The following NHLH2 variants were observed in gnomAD, a reference collection of about 807,000 sequenced individuals.
NHLH2 encodes the protein nescient helix-loop-helix 2.
A neutral mutation model predicts 7.3 loss-of-function variants in NHLH2; 7 were observed. The ratio of observed to expected loss-of-function variants is 0.96; its 90% CI spans 0.55 to 1.81. NHLH2 has a LOEUF of 1.81. NHLH2 is among the 40% of genes most tolerant of loss of function. The pLI is 0.00. For synonymous variants in NHLH2, 93 were observed against 91.6 expected (o/e 1.01, Z -0.09); for missense variants, 155 against 194.0 (o/e 0.80, Z 1.19).
In NHLH2 at chr1:115,838,394, G is replaced by A. The variant is rs1650947372; in HGVS notation, c.-8-14C>T. ...TCATTTTGGAGGCTGAGGAGGGGTCGGAAAATTAATCAGTAAAAGGAATCA... is the reference window on the plus strand; with the variant it reads ...TCATTTTGGAGGCTGAGGAGGGGTCAGAAAATTAATCAGTAAAAGGAATCA... On this transcript the variant is annotated splice_polypyrimidine_tract_variant and intron_variant, in intron 2 of 2. Coordinates refer to ENST00000320238, the MANE Select transcript of NHLH2 (RefSeq NM_005599.3). 1 of 1,607,100 alleles carries A rather than the reference G, an allele frequency of 6.2e-7. No homozygotes were observed. The highest frequency in any genetic ancestry group is 8.5e-7 in the Non-Finnish European group (1 of 1,178,370).
At chr1:115,839,909 T>C (rs1393972332) in intron 2 of NHLH2, 1 of 167,084 alleles carries the variant, frequency 6.0e-6, no homozygotes, top group African/African-American at 2.4e-5. Context: ...TGTGACTCCC[T>C]ACGGGCTTTT....
At chr1:115,835,983 T>G (rs1650860942), downstream of NHLH2, among the ~76,000 whole-genome samples, 1 of 152,198 alleles carries the variant, frequency 6.6e-6, no homozygotes, top group African/African-American at 2.4e-5. Context: ...GGGATCTTCT[T>G]CTCACTGCCA....
the NHLH2 span, among the ~76,000 whole-genome samples, chr1:115,831,347 G>A: frequency 1.3e-5 from 2 of 152,138 alleles, no homozygotes; most frequent in Non-Finnish European, 2.9e-5. Flanking sequence ...ACACCAATAA[G>A]TACATTTCAT....
chr1:115,834,316 G>C (rs145008159), downstream of NHLH2, among the ~76,000 whole-genome samples: 27 of 152,296 alleles, frequency 1.8e-4, no homozygotes, highest in African/African-American at 5.8e-4. Flanking sequence ...AGGCTTTCTG[G>C]GGAGCAGCAA....
rs920396691 is a variant in NHLH2 at position 115,837,255 on chromosome 1, A to T, written c.*710T>A. The T allele has an allele frequency of 6.6e-6, 1 of 152,670 alleles. No homozygotes were observed. The highest frequency in any genetic ancestry group is 2.4e-5 in the African/African-American group (1 of 41,472). 9.5% of individuals were successfully genotyped at this position (152,670 alleles called of 1,614,324 possible). On this transcript the variant is annotated 3_prime_UTR_variant, in exon 3 of 3. Transcript: ENST00000320238. ...ACTTCGCCTGCAAAAGTAATCAGAT[A>T]TTAAAGTTTCCATTTAAATATGGAT... is the stretch of plus-strand genomic sequence containing the variant.
Position 115,837,708 on chromosome 1 carries a change from G to C in NHLH2, c.*257C>G. 1 of 485,874 alleles carries C rather than the reference G, an allele frequency of 2.1e-6. No homozygotes were observed. The allele number at this position is 485,874 out of a possible 1,614,324, so 30.1% of individuals were successfully genotyped here. A position where few individuals can be genotyped will look rare whatever the true frequency, so the allele number is the denominator to read the frequency against. On this transcript the variant is annotated 3_prime_UTR_variant, in exon 3 of 3. Transcript: ENST00000320238. Reference sequence around the variant, plus strand: ...AGTGGCTCATCTCGGGTGTCTCCACGAGGTTCTCCTGGCCTGGAAAATCCC... The same window carrying C: ...AGTGGCTCATCTCGGGTGTCTCCACCAGGTTCTCCTGGCCTGGAAAATCCC...
rs752567030 is a variant in NHLH2 at position 115,838,325 on chromosome 1, C to G, written c.48G>C (p.Ser16=). ...DQAADSDHPS[S]AHSDPESLGG... is the part of the protein sequence containing the mutation. ...CCAGGGACTCCGGATCCGAGTGCGC[C>G]GAGCTGGGATGGTCCGAATCTGCTG... The change falls in exon 3 of 3, where the codon TCG becomes TCC. Residue 16 remains serine, a synonymous_variant. Coordinates refer to ENST00000320238, the MANE Select transcript of NHLH2 (RefSeq NM_005599.3). 2.2e-5 allele frequency: 35 copies of G among 1,609,408 alleles called. No individual in the cohort carries two copies. Among genetic ancestry groups the G allele is most frequent in the Non-Finnish European group, 2.6e-5 (31 of 1,179,394 alleles).
intron 2 of NHLH2, 176 bp from the exon 3 acceptor site, chr1:115,838,556 G>C (rs1264145748): frequency 1.7e-6 from 1 of 605,096 alleles, no homozygotes; most frequent in African/African-American, 2.0e-5. Flanking sequence ...CCGAGGGCGC[G>C]AGCCCTGCGC....
intron 2 of NHLH2, 138 bp from the exon 3 acceptor site, chr1:115,838,518 A>C: frequency 1.8e-5 from 17 of 938,120 alleles, no homozygotes; most frequent in Non-Finnish European, 2.1e-5. Flanking sequence ...CCGGCGCGCG[A>C]CGCGGGAGGG....
rs770517973 is a variant in NHLH2 at position 115,838,255 on chromosome 1, G to A, written c.118C>T (p.Pro40Ser). 1 of 1,584,826 alleles carries A rather than the reference G, an allele frequency of 6.3e-7. No individual in the cohort carries two copies. The highest frequency in any genetic ancestry group is 1.1e-5 in the South Asian group (1 of 87,540). The change falls in exon 3 of 3, where the codon CCG becomes TCG. Residue 40 changes from proline (P) to serine (S), a missense_variant. Physicochemically the swap from Pro to Ser is moderately conservative, Grantham distance 74. This residue lies in a region of NHLH2 where 91 missense variants were observed against 86.6 expected (regional missense o/e 1.05). Coordinates refer to ENST00000320238, the MANE Select transcript of NHLH2 (RefSeq NM_005599.3). ...KVLGSVSDLE[P>S]VEEAEGDGKG... is the part of the protein sequence containing the mutation. ...CCGTCGCCCTCGGCCTCCTCCACCGGCTCCAGGTCCGACACGCTGCCGAGC... is the reference window on the plus strand; with the variant it reads ...CCGTCGCCCTCGGCCTCCTCCACCGACTCCAGGTCCGACACGCTGCCGAGC...
downstream of NHLH2, among the ~76,000 whole-genome samples, chr1:115,835,236 A>G (rs1650840059): frequency 6.6e-6 from 1 of 152,328 alleles, no homozygotes; most frequent in East Asian, 1.9e-4. Context: ...AAACTGGGAA[A>G]GACAGGCACT....
In NHLH2 at chr1:115,838,241, G is replaced by A; in HGVS notation, c.132C>T (p.Ala44=). 2.6e-6 allele frequency: 4 copies of A among 1,568,108 alleles called. No individual in the cohort carries two copies. The highest frequency in any genetic ancestry group is 3.4e-6 in the Non-Finnish European group (4 of 1,159,676). ...SVSDLEPVEE[A]EGDGKGGSRA... The stretch of plus-strand genomic sequence containing the variant: ...GGCTGCCGCCCTTGCCGTCGCCCTC[G>A]GCCTCCTCCACCGGCTCCAGGTCCG... Residue 44 remains alanine, a synonymous_variant, in exon 3 of 3, where the codon GCC becomes GCT. Coordinates refer to ENST00000320238, the MANE Select transcript of NHLH2 (RefSeq NM_005599.3).
At position 115,838,374 on chromosome 1, in the gene NHLH2, T is replaced by G. The variant is rs760965868; in HGVS notation, c.-2A>C. 1 of 1,608,608 alleles carries G rather than the reference T, an allele frequency of 6.2e-7. No individual in the cohort carries two copies. The highest frequency in any genetic ancestry group is 1.1e-5 in the South Asian group (1 of 90,856). ...TGCTTGGTCCGGACTCAGCATCATT[T>G]TGGAGGCTGAGGAGGGGTCGGAAAA... On this transcript the variant is annotated 5_prime_UTR_variant, in exon 3 of 3. Coordinates refer to ENST00000320238, the MANE Select transcript of NHLH2 (RefSeq NM_005599.3).
chr1:115,833,986 G>C (rs1178515781), downstream of NHLH2, among the ~76,000 whole-genome samples: 1 of 152,272 alleles, frequency 6.6e-6, no homozygotes. Flanking sequence ...ACGTGTTCAT[G>C]GGGCAGGGCC....
chr1:115,837,908 G>A lies in NHLH2; in HGVS notation c.*57C>T, dbSNP rs1030863848. On this transcript the variant is annotated 3_prime_UTR_variant, in exon 3 of 3. Transcript: ENST00000320238. ...GCCACCCGAGCGACGGCGCCCGTCC[G>A]GATCCGTAGCGTTTCGCGGACGCCG... 7 of 1,547,160 alleles carry A rather than the reference G, an allele frequency of 4.5e-6. No homozygotes were observed. In the East Asian group the frequency reaches 1.5e-4, roughly 34 times the overall value.
intron 2 of NHLH2, chr1:115,839,265 G>A (rs41267509): frequency 0.034 from 5,714 of 167,168 alleles, 149 homozygotes; most frequent in South Asian, 0.047. Context: ...GCAGAGGGAA[G>A]GGAAGAGAAG....
At chr1:115,831,844 C>A (rs1202950184), downstream of NHLH2, among the ~76,000 whole-genome samples, 2 of 151,736 alleles carry the variant, frequency 1.3e-5, no homozygotes, top group African/African-American at 2.4e-5. Context: ...ATTGCCTGAA[C>A]CTGGGAGGTG....
chr1:115,836,107 C>T (rs914007608), downstream of NHLH2, among the ~76,000 whole-genome samples: 2 of 152,078 alleles, frequency 1.3e-5, no homozygotes, highest in Non-Finnish European at 2.9e-5. Context: ...GCAAAGAATC[C>T]ACAATTCAAG....
downstream of NHLH2, among the ~76,000 whole-genome samples, chr1:115,832,008 C>T (rs1223402051): frequency 1.3e-5 from 2 of 152,116 alleles, no homozygotes; most frequent in African/African-American, 2.4e-5. Context: ...AGTGCCCGCT[C>T]ATCCCCCTCT....
Sources: allele counts gnomAD v4.1 joint callset (sites outside exome capture counted in the v4.1 genomes callset), GRCh38; gene constraint gnomAD v4.1.1; regional missense constraint gnomAD v4.1.1; transcripts MANE v1.5; gene names NCBI Gene and HGNC (gene_info 2026-07-23, HGNC 2026-07-21).